Variants in NCALD observed in about 807,000 individuals in gnomAD.
NCALD encodes neurocalcin-delta.
In NCALD, 10 loss-of-function variants were observed where a neutral mutation model predicts 18.6. That is an observed-to-expected ratio of 0.54 (90% confidence interval 0.33 to 0.91). NCALD has a LOEUF of 0.91. NCALD is among the 40% of genes least tolerant of loss of function. The pLI is 0.03. For synonymous variants in NCALD, 88 were observed against 87.4 expected, an observed-to-expected ratio of 1.01 and a Z score of -0.04; for missense variants, 184 against 247.6, an observed-to-expected ratio of 0.74 and a Z score of 1.72.
intron 1 of NCALD, among the ~76,000 whole-genome samples, chr8:101,789,324 T>C (rs1308459980): frequency 6.6e-6 from 1 of 152,152 alleles, no homozygotes; most frequent in Non-Finnish European, 1.5e-5. Context: ...AGTGATGAGA[T>C]TATGTCTCAG....
chr8:101,998,865 T>C lies in NCALD; in HGVS notation c.-157+21372A>G, dbSNP rs890705895. 3.3e-5 allele frequency among the ~76,000 whole-genome samples: 5 copies of C among 152,278 alleles called. No homozygotes were observed. The East Asian group carries it at 9.6e-4, about 29-fold the overall frequency. On this transcript the variant is annotated intron_variant, in intron 2 of 6. Transcript: ENST00000311028. ...AAGGTGTCCCTTTCCTGGCTAAGAA[T>C]GATGAGCAAACACAAAAGACCTATA...
At chr8:101,891,270 C>T (rs1000224474) in intron 3 of NCALD, among the ~76,000 whole-genome samples, 7 of 152,144 alleles carry the variant, frequency 4.6e-5, no homozygotes, top group African/African-American at 1.7e-4. Flanking sequence ...TTATACTCAC[C>T]CCTTGTGCCC....
At chr8:102,088,770 G>T (rs901887669) in intron 1 of NCALD, among the ~76,000 whole-genome samples, 1 of 152,144 alleles carries the variant, frequency 6.6e-6, no homozygotes, top group African/African-American at 2.4e-5. Flanking sequence ...AAAGTAGATA[G>T]ATCTCCAGGA....
At chr8:102,082,244 T>G (rs1824570658) in intron 1 of NCALD, among the ~76,000 whole-genome samples, 2 of 141,204 alleles carry the variant, frequency 1.4e-5, no homozygotes, top group Non-Finnish European at 3.0e-5. Flanking sequence ...TTTTTTTTTT[T>G]TTTTTTGAGA....
intron 4 of NCALD, chr8:101,872,442 C>T (rs1816058633): frequency 9.6e-7 from 1 of 1,046,442 alleles, no homozygotes; most frequent in Non-Finnish European, 1.5e-6. Context: ...GGATGTGCTG[C>T]TCCTCTTCTG....
chr8:101,760,253 C>T lies in NCALD; in HGVS notation c.-20+30609G>A, dbSNP rs143667609. Among the ~76,000 whole-genome samples the T allele has an allele frequency of 1.2e-3, 178 of 152,248 alleles. 2 individuals carry two copies. In the East Asian group the frequency reaches 0.027, roughly 23 times the overall value. ...GCTGTTTGGCTGGCCTGGCTAGCAA[C>T]GGGCTTTATTTTTACAATGCTTATC... On this transcript the variant is annotated intron_variant, in intron 1 of 3. Coordinates refer to ENST00000220931, the MANE Select transcript of NCALD (RefSeq NM_032041.3).
At chr8:101,991,510 G>T (rs1016272866) in intron 2 of NCALD, among the ~76,000 whole-genome samples, 2 of 152,122 alleles carry the variant, frequency 1.3e-5, no homozygotes, top group East Asian at 3.9e-4. Context: ...GATTCAGAAG[G>T]TTACAAAAAG....
intron 4 of NCALD, among the ~76,000 whole-genome samples, chr8:101,841,502 A>G (rs544275913): frequency 1.2e-4 from 18 of 152,310 alleles, no homozygotes; most frequent in African/African-American, 4.3e-4. Flanking sequence ...TTAGGTGCCA[A>G]TAGCAACTCC....
intron 4 of NCALD, among the ~76,000 whole-genome samples, chr8:101,845,370 C>G (rs1420019137): frequency 1.3e-5 from 2 of 152,182 alleles, no homozygotes; most frequent in South Asian, 4.2e-4. Context: ...TGCATGTGCT[C>G]TGTGTGCACT....
rs567501289 is a variant in NCALD, at chr8:102,051,231, C to T, written c.-209-30942G>A. ...TGCTAGGTTTGGATCCTGGCTCCACCCCTAGGATCGGTGTGACCCTAAGCA... is the reference window on the plus strand; with the variant it reads ...TGCTAGGTTTGGATCCTGGCTCCACTCCTAGGATCGGTGTGACCCTAAGCA... On this transcript the variant is annotated intron_variant, in intron 1 of 6. Transcript: ENST00000311028. Among the ~76,000 whole-genome samples the T allele has an allele frequency of 1.7e-3, 252 of 152,166 alleles. 2 individuals carry two copies. Among genetic ancestry groups the T allele is most frequent in the African/African-American group, 5.5e-3 (229 of 41,506 alleles).
intron 2 of NCALD, among the ~76,000 whole-genome samples, chr8:101,918,451 A>G (rs1273291746): frequency 6.6e-6 from 1 of 152,042 alleles, no homozygotes; most frequent in Non-Finnish European, 1.5e-5. Context: ...CACCACTCCT[A>G]TTCAATCTAT....
At chr8:101,829,133 CT>C (rs1563807027) in intron 4 of NCALD, among the ~76,000 whole-genome samples, 1 of 151,964 alleles carries the variant, frequency 6.6e-6, no homozygotes, top group African/African-American at 2.4e-5. Flanking sequence ...TCTCACCTTC[CT>C]TCTTCATGAT....
intron 1 of NCALD, among the ~76,000 whole-genome samples, chr8:102,055,064 A>C (rs1823602877): frequency 6.6e-6 from 1 of 151,690 alleles, no homozygotes; most frequent in Non-Finnish European, 1.5e-5. Flanking sequence ...TATCCAGGTC[A>C]CTCATCCTGT....
intron 1 of NCALD, among the ~76,000 whole-genome samples, chr8:101,775,892 G>A (rs922691321): frequency 6.6e-6 from 1 of 152,178 alleles, no homozygotes; most frequent in African/African-American, 2.4e-5. Flanking sequence ...GGTTGCCAAG[G>A]TGGCTCCTGA....
chr8:101,821,931 G>A (rs1813739744), intron 4 of NCALD, among the ~76,000 whole-genome samples: 1 of 149,936 alleles, frequency 6.7e-6, no homozygotes, highest in South Asian at 2.1e-4. Context: ...CAGCATACCA[G>A]GCCCCCACAT....
intron 1 of NCALD, among the ~76,000 whole-genome samples, chr8:101,738,822 G>A (rs1433519925): frequency 6.6e-6 from 1 of 151,702 alleles, no homozygotes; most frequent in East Asian, 1.9e-4. Context: ...TGGATCACGT[G>A]AGATAATGCA....
chr8:101,926,443 A>AT (rs1818338988), intron 2 of NCALD, among the ~76,000 whole-genome samples: 1 of 152,174 alleles, frequency 6.6e-6, no homozygotes, highest in Non-Finnish European at 1.5e-5. Context: ...TCAGGAATAA[A>AT]TTTTTATTTG....
intron 3 of NCALD, among the ~76,000 whole-genome samples, chr8:101,914,084 T>C (rs1176193157): frequency 6.6e-6 from 1 of 152,224 alleles, no homozygotes; most frequent in Non-Finnish European, 1.5e-5. Flanking sequence ...TTAATCAAAC[T>C]TTCTTAGTTT....
intron 4 of NCALD, among the ~76,000 whole-genome samples, chr8:101,863,585 G>C (rs528925638): frequency 3.1e-3 from 468 of 152,214 alleles, no homozygotes; most frequent in Non-Finnish European, 5.9e-3. Context: ...TGGAAATTTA[G>C]AGATGCTTCT....
Sources: allele counts gnomAD v4.1 joint callset (sites outside exome capture counted in the v4.1 genomes callset), GRCh38; gene constraint gnomAD v4.1.1; transcripts MANE v1.5; gene names NCBI Gene and HGNC (gene_info 2026-07-23, HGNC 2026-07-21).